Variants in GABRR2 observed in about 807,000 individuals in gnomAD.
GABRR2 encodes gamma-aminobutyric acid type A receptor subunit rho2, also known as gamma-aminobutyric acid receptor subunit rho-2.
GABRR2 carries 36 observed loss-of-function variants against 47.0 expected under a neutral mutation model. The observed-to-expected ratio is 0.77, with a 90% CI of 0.59 to 1.01. The LOEUF (loss-of-function observed/expected upper bound fraction) is 1.01, where lower values mean the gene tolerates loss of function less well. Among genes scored for constraint, GABRR2 ranks in the 50% least tolerant of loss-of-function variants. The pLI is 0.00. For synonymous variants in GABRR2, 204 were observed against 227.5 expected, an observed-to-expected ratio of 0.90 and a Z score of 0.93; for missense variants, 587 against 594.6, an observed-to-expected ratio of 0.99 and a Z score of 0.13.
intron 5 of GABRR2, 86 bp downstream of exon 5, chr6:89,267,927 CG>C (rs1773942316): frequency 1.3e-6 from 2 of 1,564,364 alleles, no homozygotes; most frequent in Middle Eastern, 3.4e-4. Context: ...TTAACGCTGG[CG>C]GGCAGTGCTC....
chr6:89,301,091 G>A (rs1333348191), intron 1 of GABRR2, among the ~76,000 whole-genome samples: 5 of 152,070 alleles, frequency 3.3e-5, no homozygotes, highest in African/African-American at 4.8e-5. Context: ...TTTAACATAC[G>A]CAAATCAATA....
intron 2 of GABRR2, among the ~76,000 whole-genome samples, chr6:89,290,446 A>G (rs2127843556): frequency 6.6e-6 from 1 of 152,320 alleles, no homozygotes; most frequent in East Asian, 1.9e-4. Context: ...CAGTGCCCTC[A>G]GGGGCTCGCC....
intron 1 of GABRR2, among the ~76,000 whole-genome samples, chr6:89,313,873 C>T (rs997788309): frequency 9.9e-5 from 15 of 152,014 alleles, no homozygotes; most frequent in Non-Finnish European, 1.8e-4. Context: ...GCCAAGATTG[C>T]GCCACTGCAC....
chr6:89,279,478 C>T (rs779068253), intron 2 of GABRR2, among the ~76,000 whole-genome samples: 33 of 151,914 alleles, frequency 2.2e-4, no homozygotes, highest in Middle Eastern at 6.8e-3. Flanking sequence ...GGGAAACAGA[C>T]TTTCAAAGGA....
chr6:89,257,444 G>A lies in GABRR2; in HGVS notation c.*226C>T. On this transcript the variant is annotated 3_prime_UTR_variant, in exon 9 of 9. Coordinates refer to ENST00000402938, the MANE Select transcript of GABRR2 (RefSeq NM_002043.5). ...CAAGAACAGAAGGTCCCAGAGAGAT[G>A]TGAAGTGTGACGCGAGACAGCATGA... is the stretch of plus-strand genomic sequence containing the variant. 1 of 560,390 alleles carries A rather than the reference G, an allele frequency of 1.8e-6. No homozygotes were observed. Among genetic ancestry groups the A allele is most frequent in the Non-Finnish European group, 3.2e-6 (1 of 315,506 alleles). The allele number at this position is 560,390 out of a possible 1,614,324, so 34.7% of individuals were successfully genotyped here. A position where few individuals can be genotyped will look rare whatever the true frequency, so the allele number is the denominator to read the frequency against.
chr6:89,279,377 G>T (rs189743970), intron 2 of GABRR2, among the ~76,000 whole-genome samples: 77 of 151,884 alleles, frequency 5.1e-4, no homozygotes, highest in Admixed American at 1.6e-3. Context: ...GTGCATGCGT[G>T]TGTGTGTGTG....
chr6:89,263,624 G>A (rs894035800), intron 8 of GABRR2, among the ~76,000 whole-genome samples: 1 of 152,206 alleles, frequency 6.6e-6, no homozygotes, highest in Admixed American at 6.5e-5. Flanking sequence ...CCGGGTTCAA[G>A]CGATTCTCTT....
chr6:89,291,036 C>T (rs1385927309), intron 2 of GABRR2, among the ~76,000 whole-genome samples: 1 of 152,170 alleles, frequency 6.6e-6, no homozygotes, highest in Non-Finnish European at 1.5e-5. Context: ...TGGAGCATGC[C>T]AGCTGCTTCC....
intron 8 of GABRR2, among the ~76,000 whole-genome samples, chr6:89,263,410 T>C (rs1419855312): frequency 6.6e-6 from 1 of 152,212 alleles, no homozygotes; most frequent in Non-Finnish European, 1.5e-5. Context: ...CCAAAAGTTA[T>C]ACTTGGATTT....
chr6:89,282,154 C>T (rs76008359), intron 2 of GABRR2, among the ~76,000 whole-genome samples: 1 of 152,292 alleles, frequency 6.6e-6, no homozygotes, highest in Non-Finnish European at 1.5e-5. Context: ...ACACATGCAA[C>T]CTCCCATGCT....
chr6:89,292,864 ATATC>A (rs1356186698), intron 2 of GABRR2, among the ~76,000 whole-genome samples: 2 of 146,248 alleles, frequency 1.4e-5, no homozygotes, highest in East Asian at 2.0e-4. Context: ...CATATATTAT[ATATC>A]TATATATCAT....
rs918193946 is a variant in GABRR2, at chr6:89,256,720, A to G, written c.*950T>C. Reference sequence around the variant, plus strand: ...CATGTGGGCAATCAGCTATAAATCCATGACCGACCCCAATAAAAAAACTGT... The same window carrying G: ...CATGTGGGCAATCAGCTATAAATCCGTGACCGACCCCAATAAAAAAACTGT... On this transcript the variant is annotated 3_prime_UTR_variant, in exon 9 of 9. Coordinates refer to ENST00000402938, the MANE Select transcript of GABRR2 (RefSeq NM_002043.5). 1.3e-5 allele frequency among the ~76,000 whole-genome samples: 2 copies of G among 152,196 alleles called. No individual in the cohort carries two copies. The highest frequency in any genetic ancestry group is 2.9e-5 in the Non-Finnish European group (2 of 68,024).
At chr6:89,304,964 G>A (rs1767533463) in intron 1 of GABRR2, among the ~76,000 whole-genome samples, 1 of 152,220 alleles carries the variant, frequency 6.6e-6, no homozygotes, top group African/African-American at 2.4e-5. Flanking sequence ...AATGTAAATT[G>A]TTTTCCCATA....
chr6:89,309,536 G>C (rs1176681495), intron 1 of GABRR2, among the ~76,000 whole-genome samples: 1 of 152,194 alleles, frequency 6.6e-6, no homozygotes, highest in African/African-American at 2.4e-5. Context: ...TGGCAATATA[G>C]GTGTGTTGGT....
intron 1 of GABRR2, among the ~76,000 whole-genome samples, chr6:89,313,919 C>T (rs1171658387): frequency 2.0e-5 from 3 of 151,698 alleles, no homozygotes; most frequent in African/African-American, 7.3e-5. Context: ...TCTCAAAAAA[C>T]AAACAAACAA....
chr6:89,262,226 G>A (rs1267741452), intron 8 of GABRR2, among the ~76,000 whole-genome samples: 1 of 152,108 alleles, frequency 6.6e-6, no homozygotes, highest in East Asian at 1.9e-4. Context: ...GAGTGACTTT[G>A]TGTCCCTTTT....
In GABRR2 at chr6:89,257,553, G is replaced by T; in HGVS notation, c.*117C>A. On this transcript the variant is annotated 3_prime_UTR_variant, in exon 9 of 9. Coordinates refer to ENST00000402938, the MANE Select transcript of GABRR2 (RefSeq NM_002043.5). Reference sequence around the variant, plus strand: ...CTGAGAGATGAGTGCTGCTCAGGGTGGTCCAGTAGCTGCTGCATTGTTTGG... The same window carrying T: ...CTGAGAGATGAGTGCTGCTCAGGGTTGTCCAGTAGCTGCTGCATTGTTTGG... 1 of 800,814 alleles carries T rather than the reference G, an allele frequency of 1.2e-6. No homozygotes were observed. The highest frequency in any genetic ancestry group is 2.0e-6 in the Non-Finnish European group (1 of 511,042). The allele number at this position is 800,814 out of a possible 1,614,324, so 49.6% of individuals were successfully genotyped here.
At chr6:89,259,891 T>C (rs1210706050) in intron 8 of GABRR2, among the ~76,000 whole-genome samples, 13 of 148,114 alleles carry the variant, frequency 8.8e-5, no homozygotes, top group Non-Finnish European at 1.3e-4. Context: ...CTCTTTTTTT[T>C]TTTTTTTGTT....
intron 2 of GABRR2, among the ~76,000 whole-genome samples, chr6:89,292,196 A>G (rs1036672390): frequency 1.3e-5 from 2 of 151,830 alleles, no homozygotes; most frequent in African/African-American, 4.8e-5. Flanking sequence ...AACTCCTTGG[A>G]TATATTTCAA....
Sources: allele counts gnomAD v4.1 joint callset (sites outside exome capture counted in the v4.1 genomes callset), GRCh38; gene constraint gnomAD v4.1.1; transcripts MANE v1.5; gene names NCBI Gene and HGNC (gene_info 2026-07-23, HGNC 2026-07-21).